The following NOS1 variants were observed in gnomAD, a reference collection of about 807,000 sequenced individuals.
NOS1 encodes nitric oxide synthase 1.
A neutral mutation model predicts 164.5 loss-of-function variants in NOS1; 51 were observed. The ratio of observed to expected loss-of-function variants is 0.31; its 90% CI spans 0.25 to 0.39. The LOEUF (loss-of-function observed/expected upper bound fraction) is 0.39. Ranked by LOEUF, NOS1 falls within the 10% of genes least tolerant of loss-of-function variation. NOS1 has a pLI of 1.00. For synonymous variants in NOS1, 719 were observed against 745.8 expected (o/e 0.96, Z 0.59); for missense variants, 1,362 against 1,885.6 (o/e 0.72, Z 5.14).
intron 4 of NOS1, among the ~76,000 whole-genome samples, chr12:117,288,659 T>C (rs1186705967): frequency 6.6e-6 from 1 of 152,194 alleles, no homozygotes; most frequent in Non-Finnish European, 1.5e-5. Flanking sequence ...CAATTCTCCA[T>C]GAAGAAGTGG....
At chr12:117,305,434 T>A (rs1411745871) in intron 3 of NOS1, among the ~76,000 whole-genome samples, 1 of 148,700 alleles carries the variant, frequency 6.7e-6, no homozygotes, top group Non-Finnish European at 1.5e-5. Flanking sequence ...ATTGCACTCT[T>A]GCCTGGGCGA....
At chr12:117,306,392 C>T (rs750547339) in intron 3 of NOS1, among the ~76,000 whole-genome samples, 18 of 121,706 alleles carry the variant, frequency 1.5e-4, no homozygotes, top group Non-Finnish European at 5.0e-5. Context: ...CAAAGGCTAG[C>T]GGTCCTTCTT....
chr12:117,343,129 G>C (rs1184426281), intron 1 of NOS1, among the ~76,000 whole-genome samples: 1 of 151,200 alleles, frequency 6.6e-6, no homozygotes, highest in Non-Finnish European at 1.5e-5. Context: ...AGGAGTTCAA[G>C]ACCAGCCTGA....
In NOS1 at chr12:117,310,461, A is replaced by T. The variant is rs199523157; in HGVS notation, c.852+1005T>A. 3.9e-5 allele frequency among the ~76,000 whole-genome samples: 6 copies of T among 152,326 alleles called. No homozygotes were observed. The East Asian group carries it at 9.6e-4, about 24-fold the overall frequency. On this transcript the variant is annotated intron_variant, in intron 3 of 28. Coordinates refer to ENST00000317775, the MANE Select transcript of NOS1 (RefSeq NM_000620.5). Reference sequence around the variant, plus strand: ...GTGAAAAAGCAAGATATAAAACAACATGTGTAATGTGCTCTTACTTGTGTA... The same window carrying T: ...GTGAAAAAGCAAGATATAAAACAACTTGTGTAATGTGCTCTTACTTGTGTA...
At chr12:117,247,077 C>T (rs1302003298) in intron 18 of NOS1, among the ~76,000 whole-genome samples, 2 of 152,102 alleles carry the variant, frequency 1.3e-5, no homozygotes, top group African/African-American at 4.8e-5. Flanking sequence ...CGGATGGCTT[C>T]CTCCCAGCCC....
intron 10 of NOS1, among the ~76,000 whole-genome samples, chr12:117,268,446 G>A (rs1035450787): frequency 5.9e-5 from 9 of 152,014 alleles, no homozygotes; most frequent in Admixed American, 5.9e-4. Context: ...TGGCCAGACT[G>A]GTCTCAAACT....
At chr12:117,261,298 C>A (rs1871892614) in intron 13 of NOS1, among the ~76,000 whole-genome samples, 1 of 151,662 alleles carries the variant, frequency 6.6e-6, no homozygotes, top group Admixed American at 6.6e-5. Flanking sequence ...CCTTGGTTTG[C>A]CAAGCATTGC....
intron 17 of NOS1, among the ~76,000 whole-genome samples, chr12:117,252,714 A>G (rs1274513790): frequency 2.0e-5 from 3 of 152,230 alleles, no homozygotes; most frequent in Non-Finnish European, 4.4e-5. Flanking sequence ...TCAACCTAAA[A>G]TTGCTTTAAA....
At chr12:117,354,464 G>T (rs1157558683) in intron 1 of NOS1, among the ~76,000 whole-genome samples, 1 of 151,550 alleles carries the variant, frequency 6.6e-6, no homozygotes, top group Non-Finnish European at 1.5e-5. Context: ...TCTGGCACAT[G>T]AACATAACTG....
At chr12:117,291,456 A>AG (rs895214109) in intron 3 of NOS1, among the ~76,000 whole-genome samples, 2 of 144,734 alleles carry the variant, frequency 1.4e-5, no homozygotes, top group African/African-American at 5.0e-5. Flanking sequence ...CCAGTAGGTG[A>AG]GGGGGGATAA....
At position 117,264,146 on chromosome 12, in the gene NOS1, A is replaced by AGGG. The variant is rs11314930; in HGVS notation, c.2137-175_2137-173dup. Among the ~76,000 whole-genome samples, 421 of 113,776 alleles carry AGGG rather than the reference A, an allele frequency of 3.7e-3. 5 individuals are homozygous for AGGG. The highest frequency in any genetic ancestry group is 0.015 in the African/African-American group (393 of 26,256). The allele number at this position is 113,776 out of a possible 152,430, so 74.6% of individuals were successfully genotyped here. ...GGGGAAGGGATGCGGGGTTGGGGGG[A>AGGG]GGGGGGGGGTCCTTGCCCAGTGGGT... On this transcript the variant is annotated intron_variant, in intron 12 of 28. Transcript: ENST00000317775.
At chr12:117,247,585 T>C in intron 17 of NOS1, 63 bp from the exon 18 acceptor site, 1 of 1,452,842 alleles carries the variant, frequency 6.9e-7, no homozygotes, top group Non-Finnish European at 9.3e-7. Flanking sequence ...GAGTGTCTGG[T>C]GTAATGGGCT....
At position 117,212,579 on chromosome 12, in the gene NOS1, T is replaced by C. The variant is rs985676799; in HGVS notation, c.*2730A>G. 120 of 985,336 alleles carry C rather than the reference T, an allele frequency of 1.2e-4. No individual in the cohort carries two copies. Among genetic ancestry groups the C allele is most frequent in the Non-Finnish European group, 1.4e-4 (117 of 829,950 alleles). The allele number at this position is 985,336 out of a possible 1,614,324, so 61.0% of individuals were successfully genotyped here. A position where few individuals can be genotyped will look rare whatever the true frequency, so the allele number is the denominator to read the frequency against. ...ATTTCAGGAGACGTCTCATTCCTCC[T>C]GGCCAAACTCACTTTTGTGAAATGG... On this transcript the variant is annotated 3_prime_UTR_variant, in exon 29 of 29. Transcript: ENST00000317775.
At chr12:117,322,797 C>CCCTCCTTCCCTCCCTT (rs1361961573) in intron 2 of NOS1, among the ~76,000 whole-genome samples, 2 of 142,616 alleles carry the variant, frequency 1.4e-5, no homozygotes, top group East Asian at 2.2e-4. Flanking sequence ...TTCCTTCCTT[C>CCCTCCTTCCCTCCCTT]CCTCCTTCCC....
chr12:117,305,007 A>C (rs990459951), intron 3 of NOS1: 102 of 985,254 alleles, frequency 1.0e-4, no homozygotes, highest in Non-Finnish European at 1.2e-4. Flanking sequence ...AGTCCTTGGC[A>C]GTTGCTTTGC....
At chr12:117,304,488 C>T (rs1874028942) in intron 3 of NOS1, among the ~76,000 whole-genome samples, 1 of 152,188 alleles carries the variant, frequency 6.6e-6, no homozygotes, top group Admixed American at 6.5e-5. Flanking sequence ...TCTCCCCACA[C>T]ACATCCGTGA....
chr12:117,209,578 G>C lies in NOS1; in HGVS notation c.*5731C>G. 1 of 985,486 alleles carries C rather than the reference G, an allele frequency of 1.0e-6. No individual in the cohort carries two copies. 61.0% of individuals were successfully genotyped at this position (985,486 alleles called of 1,614,324 possible). On this transcript the variant is annotated 3_prime_UTR_variant, in exon 29 of 29. Transcript: ENST00000317775. Reference sequence around the variant, plus strand: ...TTTTGGGCCAGACGGGCATAGCCCCGCTTGACCAGAACTGTTTGGGTATTT... The same window carrying C: ...TTTTGGGCCAGACGGGCATAGCCCCCCTTGACCAGAACTGTTTGGGTATTT...
chr12:117,358,330 C>G (rs1023422952), intron 1 of NOS1, among the ~76,000 whole-genome samples: 25 of 147,548 alleles, frequency 1.7e-4, no homozygotes, highest in Non-Finnish European at 3.4e-4. Context: ...CACAATACCC[C>G]CGCCCTCTCA....
chr12:117,312,045 TG>T (rs1199837161), intron 2 of NOS1, among the ~76,000 whole-genome samples: 1 of 152,168 alleles, frequency 6.6e-6, no homozygotes, highest in Non-Finnish European at 1.5e-5. Flanking sequence ...CTGTGGGCTT[TG>T]GGTAATAAGT....
Sources: gnomAD v4.1 joint callset for allele counts (sites outside exome capture counted in the v4.1 genomes callset) on GRCh38, gnomAD v4.1.1 for gene constraint, MANE v1.5 for transcripts, NCBI Gene and HGNC (gene_info 2026-07-23, HGNC 2026-07-21) for gene names.